The following DCAF5 variants were observed in gnomAD, a reference collection of about 807,000 sequenced individuals.
DCAF5 encodes DDB1- and CUL4-associated factor 5.
A neutral mutation model predicts 80.7 loss-of-function variants in DCAF5; 9 were observed. The ratio of observed to expected loss-of-function variants is 0.11; its 90% CI spans 0.07 to 0.19. DCAF5 has a LOEUF of 0.19. Ranked by LOEUF, DCAF5 falls within the 10% of genes least tolerant of loss-of-function variation. The pLI, the probability that DCAF5 is intolerant of heterozygous loss-of-function variation, is 1.00. For missense variants in DCAF5, 842 were observed against 1,205.7 expected, an observed-to-expected ratio of 0.70 and a Z score of 4.47; for synonymous variants, 433 against 461.9, an observed-to-expected ratio of 0.94 and a Z score of 0.80.
intron 6 of DCAF5, chr14:69,089,083 C>A (rs1274830194): frequency 6.6e-6 from 1 of 152,568 alleles, no homozygotes; most frequent in African/African-American, 2.4e-5. Context: ...TTTAATTCAT[C>A]CATCCTTCCA....
intron 1 of DCAF5, among the ~76,000 whole-genome samples, chr14:69,135,549 C>T (rs995795325): frequency 1.3e-5 from 2 of 152,042 alleles, no homozygotes; most frequent in African/African-American, 4.8e-5. Flanking sequence ...AACATTTTTA[C>T]TTGAAATTAC....
chr14:69,111,552 G>T (rs2040367147), intron 5 of DCAF5, among the ~76,000 whole-genome samples: 1 of 152,210 alleles, frequency 6.6e-6, no homozygotes, highest in South Asian at 2.1e-4. Context: ...GAGAGAGGTA[G>T]TGAGTAAGCA....
intron 5 of DCAF5, among the ~76,000 whole-genome samples, chr14:69,106,671 C>T (rs2040171779): frequency 6.6e-6 from 1 of 152,134 alleles, no homozygotes; most frequent in South Asian, 2.1e-4. Flanking sequence ...TGCACCCAGC[C>T]TACTTTTACA....
Position 69,055,680 on chromosome 14 carries a change from A to C in DCAF5, c.1075-69T>G. 1.4e-6 allele frequency: 2 copies of C among 1,477,934 alleles called. No homozygotes were observed. The highest frequency in any genetic ancestry group is 1.8e-6 in the Non-Finnish European group (2 of 1,089,398). 91.6% of individuals were successfully genotyped at this position (1,477,934 alleles called of 1,614,324 possible). On this transcript the variant is annotated intron_variant, in intron 8 of 8. Coordinates refer to ENST00000341516, the MANE Select transcript of DCAF5 (RefSeq NM_003861.3). The surrounding 1 kb of genome is among the most constrained non-coding windows in gnomAD (Gnocchi z 5.6). ...AAGTATTCTTTCACTGGTGGTGATA[A>C]AGAACACCAAGGCAGAACTTCCCCA...
intron 1 of DCAF5, among the ~76,000 whole-genome samples, chr14:69,141,139 T>TAAA (rs11396838): frequency 3.2e-4 from 19 of 59,420 alleles, no homozygotes; most frequent in Admixed American, 7.0e-4. Context: ...ATCTCAAATT[T>TAAA]AAAAAAAAAA....
intron 7 of DCAF5, 131 bp from the exon 8 acceptor site, chr14:69,062,642 T>A: frequency 2.1e-6 from 2 of 957,100 alleles, no homozygotes; most frequent in Non-Finnish European, 3.1e-6. Flanking sequence ...GAATGCTTAA[T>A]CTTACAGATA....
rs138074572 is a variant in DCAF5 at position 69,140,753 on chromosome 14, T to C, written c.214+12012A>G. Among the ~76,000 whole-genome samples the C allele has an allele frequency of 5.8e-3, 877 of 152,276 alleles. 10 individuals are homozygous for C. Among genetic ancestry groups the C allele is most frequent in the African/African-American group, 0.02 (819 of 41,552 alleles). ...GTTCATAACGGTTTCAGCCTTTTTT[T>C]TCCCTTTCTAATAAAAGGCAAGTGA... On this transcript the variant is annotated intron_variant, in intron 1 of 8. Transcript: ENST00000341516.
intron 1 of DCAF5, among the ~76,000 whole-genome samples, chr14:69,132,504 A>T (rs1471434441): frequency 1.3e-5 from 2 of 152,046 alleles, no homozygotes. Flanking sequence ...CTATTCACTC[A>T]CCCCATCCAG....
chr14:69,128,481 T>C (rs2040941659), intron 1 of DCAF5, among the ~76,000 whole-genome samples: 2 of 152,224 alleles, frequency 1.3e-5, no homozygotes, highest in Admixed American at 1.3e-4. Flanking sequence ...CCTGGCTGAA[T>C]ATTTCCATAA....
chr14:69,069,787 A>T (rs546043308), intron 7 of DCAF5, among the ~76,000 whole-genome samples: 1 of 149,300 alleles, frequency 6.7e-6, no homozygotes, highest in South Asian at 2.1e-4. Flanking sequence ...AGTTAGTTTT[A>T]AAAAAAAAGT....
intron 1 of DCAF5, among the ~76,000 whole-genome samples, chr14:69,134,341 T>C (rs1266202449): frequency 1.3e-5 from 2 of 152,220 alleles, no homozygotes; most frequent in Admixed American, 1.3e-4. Context: ...TGACTTAGAC[T>C]TTATAGTAAT....
In DCAF5 at chr14:69,054,393, T is replaced by C. The variant is rs756325735; in HGVS notation, c.2293A>G (p.Thr765Ala). 2 of 1,614,124 alleles carry C rather than the reference T, an allele frequency of 1.2e-6. No homozygotes were observed. The highest frequency in any genetic ancestry group is 1.1e-5 in the South Asian group (1 of 91,090). The change falls in exon 9 of 9, where the codon ACT becomes GCT. Residue 765 changes from threonine (T) to alanine (A), a missense_variant. Around this residue, in one of 5 missense-constraint regions of DCAF5, gnomAD observed 607 missense variants for 656.6 expected, o/e 0.92. Transcript: ENST00000341516. ...AEVPEGTSQD[T>A]GNSGSVEHPF... Reference sequence around the variant, plus strand: ...TGCTCTACAGAGCCGCTATTGCCAGTGTCCTGAGAGGTACCCTCTGGCACC... The same window carrying C: ...TGCTCTACAGAGCCGCTATTGCCAGCGTCCTGAGAGGTACCCTCTGGCACC...
chr14:69,113,734 T>C (rs942697160), intron 5 of DCAF5, among the ~76,000 whole-genome samples: 1 of 152,206 alleles, frequency 6.6e-6, no homozygotes, highest in African/African-American at 2.4e-5. Flanking sequence ...GAGGGAATTC[T>C]AACAGAAAAG....
In DCAF5 at chr14:69,055,101, T is replaced by C. The variant is rs762408048; in HGVS notation, c.1585A>G (p.Asn529Asp). 3 of 1,614,108 alleles carry C rather than the reference T, an allele frequency of 1.9e-6. No homozygotes were observed. The highest frequency in any genetic ancestry group is 2.5e-6 in the Non-Finnish European group (3 of 1,180,012). ...ACATTCTCCTCAGAATCGGACTCAT[T>C]GGAAAGGGCCAGGAGGCGTTTGTCT... ...YQDKRLLALS[N>D]ESDSEENVCE... Residue 529 changes from asparagine (N) to aspartate (D), a missense_variant, in exon 9 of 9, where the codon AAT becomes GAT. By Grantham distance (23) the Asn-to-Asp change is conservative. Transcript: ENST00000341516. This position sits in a 1 kb window ranked among gnomAD's most constrained non-coding sequence, Gnocchi z 5.6.
chr14:69,089,202 G>C (rs2039446932), intron 6 of DCAF5: 1 of 152,616 alleles, frequency 6.6e-6, no homozygotes, highest in African/African-American at 2.4e-5. Context: ...ACGTACTCAA[G>C]ATTTACTTCA....
Position 69,055,106 on chromosome 14 carries a change from A to T in DCAF5, c.1580T>A (p.Leu527His), listed in dbSNP as rs2037907798. The change falls in exon 9 of 9, where the codon CTT becomes CAT. Residue 527 changes from leucine to histidine, a missense_variant. Physicochemically the swap from Leu to His is moderately conservative, Grantham distance 99. Around this residue, in one of 5 missense-constraint regions of DCAF5, gnomAD observed 607 missense variants for 656.6 expected, o/e 0.92. Transcript: ENST00000341516. This position sits in a 1 kb window ranked among gnomAD's most constrained non-coding sequence, Gnocchi z 5.6. ...RRYQDKRLLA[L>H]SNESDSEENV... ...CTCCTCAGAATCGGACTCATTGGAA[A>T]GGGCCAGGAGGCGTTTGTCTTGGTA... The T allele has an allele frequency of 5.0e-6, 8 of 1,614,088 alleles. No homozygotes were observed. Among genetic ancestry groups the T allele is most frequent in the African/African-American group, 1.3e-5 (1 of 74,928 alleles).
At chr14:69,122,162 T>G in intron 2 of DCAF5, 55 bp downstream of exon 2, 2 of 1,581,692 alleles carry the variant, frequency 1.3e-6, no homozygotes, top group Non-Finnish European at 1.7e-6. Context: ...TTCGCACTCT[T>G]TTCTCTAAAA....
intron 1 of DCAF5, among the ~76,000 whole-genome samples, chr14:69,144,711 A>G (rs1261713270): frequency 6.6e-6 from 1 of 152,256 alleles, no homozygotes; most frequent in African/African-American, 2.4e-5. Flanking sequence ...TAAGAGAAGC[A>G]ACCAGAGTTG....
intron 5 of DCAF5, among the ~76,000 whole-genome samples, chr14:69,110,845 C>G (rs1208037819): frequency 7.1e-6 from 1 of 141,366 alleles, no homozygotes; most frequent in Non-Finnish European, 1.5e-5. Context: ...CCACTGCACT[C>G]CAGCCTGGGC....
Sources: allele counts gnomAD v4.1 joint callset (sites outside exome capture counted in the v4.1 genomes callset), GRCh38; gene constraint gnomAD v4.1.1; regional missense constraint gnomAD v4.1.1; non-coding constraint Gnocchi (gnomAD v3.1); transcripts MANE v1.5; gene names NCBI Gene and HGNC (gene_info 2026-07-23, HGNC 2026-07-21).